DRP2: variants seen among roughly 807,000 people sequenced by gnomAD.
The protein encoded by DRP2 is dystrophin-related protein 2.
A neutral mutation model predicts 78.2 loss-of-function variants in DRP2; 29 were observed. The observed-to-expected ratio is 0.37, with a 90% CI of 0.28 to 0.51. DRP2 has a LOEUF of 0.51. Ranked by LOEUF, DRP2 falls within the 20% of genes least tolerant of loss-of-function variation. The probability of loss-of-function intolerance (pLI) is 0.94; values close to 1 mark genes in which losing one functional copy is unlikely to be tolerated. For missense variants in DRP2, 686 were observed against 770.6 expected, an observed-to-expected ratio of 0.89 and a Z score of 1.30; for synonymous variants, 290 against 281.9, an observed-to-expected ratio of 1.03 and a Z score of -0.29.
chrX:101,258,614 G>A (rs781427569), intron 22 of DRP2, 68 bp downstream of exon 22: 114 of 979,551 alleles, frequency 1.2e-4, no homozygotes, highest in Non-Finnish European at 1.5e-4. Flanking sequence ...GGGAGCTGAG[G>A]GCTGTGGCAA....
rs898754411 is a variant in DRP2, at chrX:101,254,784, G to A, written c.2115-75G>A. The A allele has an allele frequency of 8.7e-6, 10 of 1,154,077 alleles. No individual in the cohort carries two copies. The African/African-American group carries it at 1.4e-4, about 16-fold the overall frequency. ...ATCAGCTCTTGCCCATGTCCATAAT[G>A]TAGGGAGCAGGAGAGGGAGGAGGAA... On this transcript the variant is annotated intron_variant, in intron 18 of 23. Transcript: ENST00000395209.
intron 3 of DRP2, among the ~76,000 whole-genome samples, chrX:101,234,627 G>A (rs1365180492): frequency 8.9e-6 from 1 of 112,138 alleles, no homozygotes; most frequent in East Asian, 2.8e-4. Context: ...TGGATTCCTG[G>A]TGAGGGATGA....
At position 101,231,398 on chromosome X, in the gene DRP2, T is replaced by C. The variant is rs1256414589; in HGVS notation, c.-63-187T>C. On this transcript the variant is annotated intron_variant, in intron 2 of 23. Transcript: ENST00000395209. ...TTTATGTCTCTAGCACAAAGCACTATAGGTAAACAATAAATGCTTCCTTGG... is the reference window on the plus strand; with the variant it reads ...TTTATGTCTCTAGCACAAAGCACTACAGGTAAACAATAAATGCTTCCTTGG... The C allele has an allele frequency of 1.0e-4, 39 of 383,371 alleles. No homozygotes were observed. The East Asian group carries it at 1.8e-3, about 18-fold the overall frequency. The allele number at this position is 383,371 out of a possible 1,213,427, so 31.6% of individuals were successfully genotyped here. A position where few individuals can be genotyped will look rare whatever the true frequency, so the allele number is the denominator to read the frequency against.
At chrX:101,238,919 A>G in intron 5 of DRP2, 62 bp from the exon 6 acceptor site, 3 of 1,159,934 alleles carry the variant, frequency 2.6e-6, no homozygotes, top group Non-Finnish European at 3.5e-6. Context: ...CAATTGCAGG[A>G]TGGAATGTAA....
At chrX:101,247,006 G>A in intron 11 of DRP2, 84 bp from the exon 12 acceptor site, 1 of 862,888 alleles carries the variant, frequency 1.2e-6, no homozygotes. Flanking sequence ...TTGGTTGCCA[G>A]TCTGGTGGGT....
chrX:101,243,287 A>T (rs1487985634), intron 9 of DRP2, among the ~76,000 whole-genome samples: 1 of 107,420 alleles, frequency 9.3e-6, no homozygotes, highest in Non-Finnish European at 1.9e-5. Context: ...TTAGCTGGGC[A>T]TGGTGGCGGG....
intron 2 of DRP2, among the ~76,000 whole-genome samples, chrX:101,230,006 A>C (rs781584779): frequency 1.9e-4 from 21 of 112,003 alleles, no homozygotes; most frequent in African/African-American, 6.5e-4. Flanking sequence ...TGTTGGCAAC[A>C]TTATCCACTC....
intron 17 of DRP2, 123 bp from the exon 18 acceptor site, chrX:101,254,302 G>A: frequency 1.1e-6 from 1 of 888,814 alleles, no homozygotes; most frequent in Non-Finnish European, 1.6e-6. Context: ...TAGGAGCAGG[G>A]TATGGTGGGC....
chrX:101,230,220 G>A lies in DRP2; in HGVS notation c.-63-1365G>A, dbSNP rs141384082. 4.3e-3 allele frequency among the ~76,000 whole-genome samples: 481 copies of A among 112,165 alleles called. 1 individual carries two copies. The highest frequency in any genetic ancestry group is 0.014 in the African/African-American group (436 of 30,887). ...AATCACTCTATAAGGAAGGCAGGGG[G>A]CTCTTTCTAAAATGCAAATCTCGGC... On this transcript the variant is annotated intron_variant, in intron 2 of 23. Transcript: ENST00000395209.
chrX:101,247,829 C>G (rs1465161694), intron 12 of DRP2, among the ~76,000 whole-genome samples: 2 of 112,386 alleles, frequency 1.8e-5, no homozygotes, highest in African/African-American at 6.5e-5. Flanking sequence ...TGAGTTTACT[C>G]ATGTCCCATC....
chrX:101,249,078 G>A (rs1923039424), intron 14 of DRP2, among the ~76,000 whole-genome samples: 2 of 111,908 alleles, frequency 1.8e-5, no homozygotes, highest in Middle Eastern at 4.6e-3. Context: ...GTACCTTTGT[G>A]TTCCCCTCTG....
chrX:101,244,181 G>A (rs1166030746), intron 9 of DRP2, among the ~76,000 whole-genome samples: 1 of 111,211 alleles, frequency 9.0e-6, no homozygotes, highest in East Asian at 2.8e-4. Flanking sequence ...GACTACTGGG[G>A]AGCAAGAGTG....
chrX:101,258,096 C>G (rs1367958483), intron 21 of DRP2, among the ~76,000 whole-genome samples: 1 of 106,442 alleles, frequency 9.4e-6, no homozygotes, highest in East Asian at 3.0e-4. Context: ...GCTCTGAGGT[C>G]TCAGGATGGC....
At position 101,242,967 on chromosome X, in the gene DRP2, C is replaced by T. The variant is rs1057519071; in HGVS notation, c.1039C>T (p.Gln347Ter). ...DAHRDFGPGSQHFLSSSVQVP... is the reference protein window; with the variant it reads ...DAHRDFGPGS Reference sequence around the variant, plus strand: ...CCACCGGGACTTTGGGCCTGGGTCACAGCACTTTCTCTCCTGTACGTGAAC... The same window carrying T: ...CCACCGGGACTTTGGGCCTGGGTCATAGCACTTTCTCTCCTGTACGTGAAC... The change falls in exon 9 of 24, where the codon CAG (glutamine) becomes TAG (stop). Residue 347 changes from glutamine (Q) to a stop codon, truncating the protein, a stop_gained. Coordinates refer to ENST00000395209, the MANE Select transcript of DRP2 (RefSeq NM_001939.3). LOFTEE classifies it high-confidence loss of function. 5 of 1,210,913 alleles carry T rather than the reference C, an allele frequency of 4.1e-6. No homozygotes were observed. Among genetic ancestry groups the T allele is most frequent in the Non-Finnish European group, 4.5e-6 (4 of 895,070 alleles).
At chrX:101,260,241 T>C (rs1923499237) in intron 23 of DRP2, 72 bp downstream of exon 23, 1 of 1,169,664 alleles carries the variant, frequency 8.5e-7, no homozygotes. Context: ...TGCCCAAGGC[T>C]TTGCGGGGCT....
At chrX:101,231,834 C>T (rs1829380549) in intron 3 of DRP2, 70 bp downstream of exon 3, 1 of 952,002 alleles carries the variant, frequency 1.1e-6, no homozygotes, top group African/African-American at 1.9e-5. Context: ...CCTTGGGGTA[C>T]CCACGCTTCC....
chrX:101,224,191 GTTTTTTT>G (rs1167730116), intron 1 of DRP2, among the ~76,000 whole-genome samples: 3 of 38,868 alleles, frequency 7.7e-5, no homozygotes, highest in African/African-American at 2.5e-4. Context: ...GGTTTTTTTT[GTTTTTTT>G]TTTTTTTTTT....
intron 1 of DRP2, among the ~76,000 whole-genome samples, chrX:101,224,179 TG>T (rs766472312): frequency 0.19 from 13,539 of 69,517 alleles, 1,987 homozygotes; most frequent in African/African-American, 0.27. Flanking sequence ...AAATGTTTGC[TG>T]GGTTTTTTTT....
At chrX:101,224,901 AT>A (rs1314512121) in intron 2 of DRP2, among the ~76,000 whole-genome samples, 195 bp downstream of exon 2, 1 of 112,632 alleles carries the variant, frequency 8.9e-6, no homozygotes, top group Non-Finnish European at 1.9e-5. Flanking sequence ...GCTGGTGGAC[AT>A]TTGAGTGAAT....
Sources: gnomAD v4.1 joint callset for allele counts (sites outside exome capture counted in the v4.1 genomes callset) on GRCh38, gnomAD v4.1.1 for gene constraint, MANE v1.5 for transcripts, NCBI Gene and HGNC (gene_info 2026-07-23, HGNC 2026-07-21) for gene names.